PIP5K1A: variants seen among roughly 807,000 people sequenced by gnomAD.
PIP5K1A encodes the protein phosphatidylinositol 4-phosphate 5-kinase type-1 alpha.
Under a neutral mutation model 72.9 loss-of-function variants are expected in PIP5K1A, and 46 were observed. The ratio of observed to expected loss-of-function variants is 0.63; its 90% CI spans 0.50 to 0.81. The LOEUF (loss-of-function observed/expected upper bound fraction) is 0.81. Ranked by LOEUF, PIP5K1A falls within the 30% of genes least tolerant of loss-of-function variation. PIP5K1A has a pLI of 0.00. For missense variants in PIP5K1A, 458 were observed against 706.1 expected (o/e 0.65, Z 3.98); for synonymous variants, 228 against 255.1 (o/e 0.89, Z 1.01).
intron 1 of PIP5K1A, among the ~76,000 whole-genome samples, chr1:151,201,022 G>A (rs1685148493): frequency 6.6e-6 from 1 of 152,114 alleles, no homozygotes; most frequent in South Asian, 2.1e-4. Flanking sequence ...TTTTAGTAGA[G>A]ACGGGGTTTC....
rs774046126 is a variant in PIP5K1A at position 151,240,132 on chromosome 1, G to A, written c.1363+93G>A. 100 of 852,728 alleles carry A rather than the reference G, an allele frequency of 1.2e-4. 2 individuals carry two copies. The highest frequency in any genetic ancestry group is 1.8e-4 in the Non-Finnish European group (93 of 505,700). 52.8% of individuals were successfully genotyped at this position (852,728 alleles called of 1,614,324 possible). On this transcript the variant is annotated intron_variant, in intron 12 of 15. Transcript: ENST00000368888. Reference sequence around the variant, plus strand: ...GGCAGGACACCTCTGGTAGGGAGCTGCCAATGCCAGAGGCCTCTCCTTCCA... The same window carrying A: ...GGCAGGACACCTCTGGTAGGGAGCTACCAATGCCAGAGGCCTCTCCTTCCA...
Position 151,248,888 on chromosome 1 carries a change from T to C in PIP5K1A, c.*1023T>C, listed in dbSNP as rs1692838395. 6.6e-6 allele frequency: 1 copy of C among 152,628 alleles called. No homozygotes were observed. The highest frequency in any genetic ancestry group is 2.1e-4 in the South Asian group (1 of 4,820). The allele number at this position is 152,628 out of a possible 1,614,324, so 9.5% of individuals were successfully genotyped here. ...AGCTAAGGTAAAGAGGGGACACTTCTGTCTGTTTAACAGACAGTCCATATC... is the reference window on the plus strand; with the variant it reads ...AGCTAAGGTAAAGAGGGGACACTTCCGTCTGTTTAACAGACAGTCCATATC... On this transcript the variant is annotated 3_prime_UTR_variant, in exon 16 of 16. Coordinates refer to ENST00000368888, the MANE Select transcript of PIP5K1A (RefSeq NM_001135638.2).
Position 151,248,018 on chromosome 1 carries a change from C to T in PIP5K1A, c.*153C>T, listed in dbSNP as rs1692756570. 5.7e-6 allele frequency: 4 copies of T among 702,584 alleles called. No individual in the cohort carries two copies. The Admixed American group carries it at 8.8e-5, about 16-fold the overall frequency. The allele number at this position is 702,584 out of a possible 1,614,324, so 43.5% of individuals were successfully genotyped here. A position where few individuals can be genotyped will look rare whatever the true frequency, so the allele number is the denominator to read the frequency against. The stretch of plus-strand genomic sequence containing the variant: ...GGGGAGCTGCTCCTCCATCTTCTTC[C>T]TGAAGAAGAACCTTCTCTCCTTCCT... On this transcript the variant is annotated 3_prime_UTR_variant, in exon 16 of 16. Transcript: ENST00000368888.
At position 151,242,208 on chromosome 1, in the gene PIP5K1A, C is replaced by T. The variant is rs763115413; in HGVS notation, c.1449C>T (p.Tyr483=). The T allele has an allele frequency of 1.2e-6, 2 of 1,614,122 alleles. No individual in the cohort carries two copies. Among genetic ancestry groups the T allele is most frequent in the Admixed American group, 1.7e-5 (1 of 60,016 alleles). ...CCAGTGGCAACTCCTGCATTACTTACCAGCCATCGGTCTCTGGGGAACACA... is the reference window on the plus strand; with the variant it reads ...CCAGTGGCAACTCCTGCATTACTTATCAGCCATCGGTCTCTGGGGAACACA... ...AGSSGNSCIT[Y]QPSVSGEHKA... The change falls in exon 13 of 16, where the codon TAC becomes TAT. Residue 483 remains tyrosine (Y), a synonymous_variant. Transcript: ENST00000368888.
chr1:151,216,976 G>C (rs1298514813), intron 1 of PIP5K1A, among the ~76,000 whole-genome samples: 1 of 133,172 alleles, frequency 7.5e-6, no homozygotes, highest in Non-Finnish European at 1.6e-5. Flanking sequence ...GCAGTGCTGT[G>C]ATCTCAGCTT....
In PIP5K1A at chr1:151,248,807, AGAG is replaced by A. The variant is rs776812912; in HGVS notation, c.*946_*948del. The A allele has an allele frequency of 2.6e-5, 4 of 152,628 alleles. No homozygotes were observed. The highest frequency in any genetic ancestry group is 5.9e-5 in the Non-Finnish European group (4 of 68,026). The allele number at this position is 152,628 out of a possible 1,614,324, so 9.5% of individuals were successfully genotyped here. ...CCAAATGAATTTTAGATCATTCTCCAGAGGAGATTTTTTTTGCTCTTCTCATCT... is the reference window on the plus strand; with the variant it reads ...CCAAATGAATTTTAGATCATTCTCCAGAGATTTTTTTTGCTCTTCTCATCT... On this transcript the variant is annotated 3_prime_UTR_variant, in exon 16 of 16. Transcript: ENST00000368888.
chr1:151,223,883 G>C (rs1046776864), intron 1 of PIP5K1A: 2 of 223,132 alleles, frequency 9.0e-6, no homozygotes, highest in African/African-American at 4.6e-5. Flanking sequence ...CTGCTACTCA[G>C]GAGGCTGAGC....
chr1:151,213,482 G>C (rs1687144694), intron 1 of PIP5K1A: 1 of 152,148 alleles, frequency 6.6e-6, no homozygotes, highest in South Asian at 2.1e-4. Flanking sequence ...TTTTATAGGA[G>C]AGTGTTGATT....
chr1:151,216,657 G>A (rs372254880), intron 1 of PIP5K1A, among the ~76,000 whole-genome samples: 26 of 151,848 alleles, frequency 1.7e-4, no homozygotes, highest in African/African-American at 5.8e-4. Flanking sequence ...TCATTTCCCC[G>A]ACCCTTCCTG....
Position 151,227,366 on chromosome 1 carries a change from G to C in PIP5K1A, c.203G>C (p.Ser68Thr). The change falls in exon 4 of 16, where the codon AGT becomes ACT. Residue 68 changes from serine (S) to threonine (T), a missense_variant. Ser to Thr is a moderately conservative substitution (Grantham distance 58, BLOSUM62 1). This residue lies in a region of PIP5K1A where 81 missense variants were observed against 88.0 expected (regional missense o/e 0.92). Coordinates refer to ENST00000368888, the MANE Select transcript of PIP5K1A (RefSeq NM_001135638.2). Reference sequence around the variant, plus strand: ...CCCATCAAGAAAATAGGCCATAGAAGTGTTGATTCCTCAGGAGAGACAACA... The same window carrying C: ...CCCATCAAGAAAATAGGCCATAGAACTGTTGATTCCTCAGGAGAGACAACA... ...GMPIKKIGHR[S>T]VDSSGETTYK... The C allele has an allele frequency of 6.2e-7, 1 of 1,613,146 alleles. No homozygotes were observed. The highest frequency in any genetic ancestry group is 8.5e-7 in the Non-Finnish European group (1 of 1,179,182).
chr1:151,198,254 C>T (rs1034395571), upstream of PIP5K1A: 9 of 363,130 alleles, frequency 2.5e-5, no homozygotes, highest in South Asian at 1.4e-4. Context: ...CACCAGTACT[C>T]CCGCAGAGAG....
intron 6 of PIP5K1A, 24 bp downstream of exon 6, chr1:151,232,389 CTG>C (rs769569568): frequency 1.3e-6 from 2 of 1,542,156 alleles, no homozygotes; most frequent in South Asian, 2.2e-5. Context: ...TATCAGGACA[CTG>C]TGACTCCAGT....
At chr1:151,239,530 C>T (rs769810294) in intron 11 of PIP5K1A, among the ~76,000 whole-genome samples, 1 of 151,368 alleles carries the variant, frequency 6.6e-6, no homozygotes, top group South Asian at 2.1e-4. Flanking sequence ...ACCTTGGCCT[C>T]CCAAAGTGCT....
chr1:151,225,619 G>A (rs1370375036), intron 3 of PIP5K1A, among the ~76,000 whole-genome samples: 3 of 151,674 alleles, frequency 2.0e-5, no homozygotes, highest in African/African-American at 7.3e-5. Flanking sequence ...ACAGGTGCAC[G>A]CCACCATGCC....
chr1:151,212,764 G>A (rs1372193285), intron 1 of PIP5K1A, among the ~76,000 whole-genome samples: 1 of 151,230 alleles, frequency 6.6e-6, no homozygotes, highest in Non-Finnish European at 1.5e-5. Context: ...TAGTAGAGAC[G>A]GGGTTTTACC....
intron 1 of PIP5K1A, among the ~76,000 whole-genome samples, chr1:151,205,673 G>A (rs888350056): frequency 2.6e-5 from 4 of 151,906 alleles, no homozygotes; most frequent in Non-Finnish European, 2.9e-5. Flanking sequence ...TGGCGTGCTC[G>A]TGTAATCCCA....
chr1:151,240,600 G>T (rs1455362531), intron 12 of PIP5K1A, among the ~76,000 whole-genome samples: 2 of 152,116 alleles, frequency 1.3e-5, no homozygotes, highest in Non-Finnish European at 2.9e-5. Context: ...CATAGCGAGG[G>T]AGAGGGGACC....
At chr1:151,215,850 A>G in intron 1 of PIP5K1A, 1 of 493,926 alleles carries the variant, frequency 2.0e-6, no homozygotes, top group Non-Finnish European at 3.9e-6. Context: ...GAATCTGACC[A>G]GGTCCAGTTC....
At chr1:151,210,894 C>A (rs889035239) in intron 1 of PIP5K1A, among the ~76,000 whole-genome samples, 2 of 152,030 alleles carry the variant, frequency 1.3e-5, no homozygotes, top group Non-Finnish European at 2.9e-5. Flanking sequence ...GGCTTATTGA[C>A]ATATTTATGT....
Sources: gnomAD v4.1 joint callset for allele counts (sites outside exome capture counted in the v4.1 genomes callset) on GRCh38, gnomAD v4.1.1 for gene constraint, gnomAD v4.1.1 regional missense constraint, MANE v1.5 for transcripts, NCBI Gene and HGNC (gene_info 2026-07-23, HGNC 2026-07-21) for gene names.